Variants in CTNNA3 observed in about 807,000 individuals in gnomAD.
The protein encoded by CTNNA3 is catenin alpha 3.
Under a neutral mutation model 95.7 loss-of-function variants are expected in CTNNA3, and 76 were observed. The ratio of observed to expected loss-of-function variants is 0.79; its 90% CI spans 0.66 to 0.96. CTNNA3 has a LOEUF of 0.96. CTNNA3 is among the 40% of genes least tolerant of loss of function. CTNNA3 has a pLI of 0.00. For synonymous variants in CTNNA3, 431 were observed against 374.4 expected (o/e 1.15, Z -1.74); for missense variants, 1,191 against 1,089.8 (o/e 1.09, Z -1.31).
At chr10:67,284,831 G>T (rs1839532785) in intron 5 of CTNNA3, among the ~76,000 whole-genome samples, 1 of 152,270 alleles carries the variant, frequency 6.6e-6, no homozygotes, top group South Asian at 2.1e-4. Context: ...TCTATAGTGA[G>T]TGTTAAAAAT....
At chr10:66,777,276 A>G (rs1012584042) in intron 7 of CTNNA3, among the ~76,000 whole-genome samples, 1 of 152,182 alleles carries the variant, frequency 6.6e-6, no homozygotes, top group African/African-American at 2.4e-5. Context: ...TTGGCACCAC[A>G]TATGTTCAGC....
At chr10:67,452,189 C>G (rs2132965728) in intron 5 of CTNNA3, among the ~76,000 whole-genome samples, 1 of 152,060 alleles carries the variant, frequency 6.6e-6, no homozygotes, top group African/African-American at 2.4e-5. Context: ...TGTTAATTTA[C>G]TAGGCATTAT....
chr10:66,764,316 A>G (rs968731091), intron 9 of CTNNA3, among the ~76,000 whole-genome samples: 2 of 152,160 alleles, frequency 1.3e-5, no homozygotes, highest in Non-Finnish European at 2.9e-5. Context: ...ATAACAGTAA[A>G]CCATCATTTG....
chr10:67,676,403 A>G (rs903713738), intron 1 of CTNNA3, among the ~76,000 whole-genome samples: 3 of 152,318 alleles, frequency 2.0e-5, no homozygotes, highest in Admixed American at 1.3e-4. Context: ...TTTGTAAAAT[A>G]TATGTGTATA....
chr10:66,670,124 T>C (rs1846605694), intron 9 of CTNNA3, among the ~76,000 whole-genome samples: 1 of 152,160 alleles, frequency 6.6e-6, no homozygotes, highest in Non-Finnish European at 1.5e-5. Context: ...TGGCAACATA[T>C]TATGAGAGTA....
chr10:66,515,072 T>G (rs892781351), intron 11 of CTNNA3, among the ~76,000 whole-genome samples: 1 of 152,072 alleles, frequency 6.6e-6, no homozygotes, highest in Non-Finnish European at 1.5e-5. Flanking sequence ...TAAGCAAATA[T>G]TTTACCACAT....
chr10:66,163,758 T>C (rs1053736538), intron 13 of CTNNA3, among the ~76,000 whole-genome samples: 1 of 152,208 alleles, frequency 6.6e-6, no homozygotes, highest in African/African-American at 2.4e-5. Context: ...AGACCCAGAC[T>C]GACAATCACT....
At chr10:67,682,793 G>A (rs1840652608) in intron 1 of CTNNA3, among the ~76,000 whole-genome samples, 1 of 152,120 alleles carries the variant, frequency 6.6e-6, no homozygotes, top group African/African-American at 2.4e-5. Context: ...ATTGCACACA[G>A]CAACAGGACA....
At chr10:67,650,716 C>T (rs1839852008) in intron 1 of CTNNA3, among the ~76,000 whole-genome samples, 1 of 152,172 alleles carries the variant, frequency 6.6e-6, no homozygotes, top group Non-Finnish European at 1.5e-5. Context: ...TATGAACTAG[C>T]TCATTGCTTG....
chr10:66,633,029 T>A (rs893973208), intron 9 of CTNNA3, among the ~76,000 whole-genome samples: 1 of 152,064 alleles, frequency 6.6e-6, no homozygotes. Context: ...ATGTAAAAAG[T>A]TTTTGATATT....
At chr10:67,511,335 T>A (rs753339865) in intron 5 of CTNNA3, among the ~76,000 whole-genome samples, 4 of 152,210 alleles carry the variant, frequency 2.6e-5, no homozygotes, top group Non-Finnish European at 5.9e-5. Flanking sequence ...TGTGGGTTTG[T>A]CATAAATAGC....
At chr10:67,169,480 C>A (rs2132109678) in intron 7 of CTNNA3, among the ~76,000 whole-genome samples, 1 of 152,258 alleles carries the variant, frequency 6.6e-6, no homozygotes, top group Non-Finnish European at 1.5e-5. Context: ...GGCCACACAT[C>A]TGCGACCATC....
intron 7 of CTNNA3, among the ~76,000 whole-genome samples, chr10:67,022,077 C>T (rs1319043018): frequency 6.6e-6 from 1 of 152,144 alleles, no homozygotes; most frequent in African/African-American, 2.4e-5. Flanking sequence ...AGTGCTAAGA[C>T]AGGAACTTGG....
intron 7 of CTNNA3, among the ~76,000 whole-genome samples, chr10:66,964,841 C>T (rs1331519812): frequency 6.6e-6 from 1 of 152,108 alleles, no homozygotes; most frequent in African/African-American, 2.4e-5. Flanking sequence ...TGAGCTTCAT[C>T]GCTCACAGAA....
chr10:66,088,221 A>G (rs2133679763), intron 14 of CTNNA3, among the ~76,000 whole-genome samples: 1 of 152,106 alleles, frequency 6.6e-6, no homozygotes, highest in Non-Finnish European at 1.5e-5. Flanking sequence ...TATACCAAAG[A>G]TTTTGAAAGC....
intron 11 of CTNNA3, among the ~76,000 whole-genome samples, chr10:66,384,923 C>T (rs1367616739): frequency 1.3e-5 from 2 of 152,310 alleles, no homozygotes; most frequent in Admixed American, 6.5e-5. Context: ...ACCAGAATCT[C>T]TGGGACACAT....
chr10:67,478,343 C>G (rs1848095249), intron 5 of CTNNA3, among the ~76,000 whole-genome samples: 1 of 151,912 alleles, frequency 6.6e-6, no homozygotes, highest in Non-Finnish European at 1.5e-5. Context: ...GGTGACTACT[C>G]AAGGTCAATG....
intron 2 of CTNNA3, among the ~76,000 whole-genome samples, chr10:67,644,434 A>G (rs1839639314): frequency 6.6e-6 from 1 of 152,132 alleles, no homozygotes; most frequent in South Asian, 2.1e-4. Flanking sequence ...AAAAATAAAA[A>G]TAAACACTTT....
intron 14 of CTNNA3, among the ~76,000 whole-genome samples, chr10:66,070,221 G>A (rs533427458): frequency 6.6e-6 from 1 of 152,246 alleles, no homozygotes; most frequent in Admixed American, 6.5e-5. Flanking sequence ...TCTTTTCTGA[G>A]GAAATGTGTC....
Sources: allele counts gnomAD v4.1 joint callset (sites outside exome capture counted in the v4.1 genomes callset), GRCh38; gene constraint gnomAD v4.1.1; transcripts MANE v1.5; gene names NCBI Gene and HGNC (gene_info 2026-07-23, HGNC 2026-07-21).